PGAP1: variants seen among roughly 807,000 people sequenced by gnomAD.
PGAP1 encodes the protein post-GPI attachment to proteins inositol deacylase 1.
Under a neutral mutation model 127.0 loss-of-function variants are expected in PGAP1, and 76 were observed. The observed-to-expected ratio is 0.60, with a 90% CI of 0.50 to 0.72. The LOEUF is 0.72. Ranked by LOEUF, PGAP1 falls within the 30% of genes least tolerant of loss-of-function variation. PGAP1 has a pLI of 0.00. For synonymous variants in PGAP1, 362 were observed against 366.5 expected (o/e 0.99, Z 0.14); for missense variants, 982 against 1,071.3 (o/e 0.92, Z 1.16).
rs147803277 is a variant in PGAP1, at chr2:196,838,782, C to G, written c.*2452G>C. On this transcript the variant is annotated 3_prime_UTR_variant, in exon 27 of 27. Coordinates refer to ENST00000354764, the MANE Select transcript of PGAP1 (RefSeq NM_024989.4). Reference sequence around the variant, plus strand: ...ATGTACGGCTGGGCGTGGTGGCTCACGCCTGTAATCCCAGCACTTTGGGGA... The same window carrying G: ...ATGTACGGCTGGGCGTGGTGGCTCAGGCCTGTAATCCCAGCACTTTGGGGA... The G allele has an allele frequency of 2.6e-5, 4 of 152,210 alleles. No homozygotes were observed. Among genetic ancestry groups the G allele is most frequent in the Non-Finnish European group, 5.9e-5 (4 of 68,080 alleles). 9.4% of individuals were successfully genotyped at this position (152,210 alleles called of 1,614,324 possible).
intron 26 of PGAP1, 33 bp from the exon 27 acceptor site, chr2:196,841,405 T>C: frequency 6.4e-7 from 1 of 1,570,318 alleles, no homozygotes; most frequent in Non-Finnish European, 8.7e-7. Flanking sequence ...ACATTACTTA[T>C]GTGAACTACA....
At chr2:196,846,306 C>A (rs997880224) in intron 22 of PGAP1, among the ~76,000 whole-genome samples, 2 of 152,074 alleles carry the variant, frequency 1.3e-5, no homozygotes, top group Non-Finnish European at 2.9e-5. Context: ...ACACTCTGTG[C>A]CATACATCTC....
At chr2:196,878,184 TG>T (rs757012677) in intron 13 of PGAP1, among the ~76,000 whole-genome samples, 8 of 152,170 alleles carry the variant, frequency 5.3e-5, no homozygotes, top group Non-Finnish European at 1.0e-4. Context: ...CCAAAATGCA[TG>T]GAACTAGAAG....
chr2:196,926,424 G>C, intron 1 of PGAP1, 46 bp downstream of exon 1: 1 of 1,611,322 alleles, frequency 6.2e-7, no homozygotes, highest in Non-Finnish European at 8.5e-7. Context: ...AGGCACCAGG[G>C]GCCAGAGTCT....
intron 4 of PGAP1, among the ~76,000 whole-genome samples, chr2:196,903,538 G>A (rs1702570174): frequency 6.8e-6 from 1 of 146,200 alleles, no homozygotes; most frequent in Non-Finnish European, 1.5e-5. Flanking sequence ...TCCAGCCTGG[G>A]CAACAGAGCG....
chr2:196,889,239 C>G (rs1355202820), intron 10 of PGAP1, among the ~76,000 whole-genome samples: 2 of 152,080 alleles, frequency 1.3e-5, no homozygotes, highest in African/African-American at 4.8e-5. Flanking sequence ...ACTCTCAAGG[C>G]CAGAATCTGC....
intron 10 of PGAP1, 72 bp downstream of exon 10, chr2:196,890,756 C>A: frequency 1.2e-6 from 1 of 811,752 alleles, no homozygotes; most frequent in South Asian, 1.6e-5. Flanking sequence ...ATAGCTAGGT[C>A]TACCAGTAGA....
chr2:196,905,344 A>G (rs1186373999), intron 4 of PGAP1, among the ~76,000 whole-genome samples: 1 of 152,246 alleles, frequency 6.6e-6, no homozygotes, highest in Non-Finnish European at 1.5e-5. Flanking sequence ...ATTAGACTAC[A>G]ACAAATTTAA....
intron 12 of PGAP1, among the ~76,000 whole-genome samples, chr2:196,882,058 T>A (rs577616823): frequency 6.6e-6 from 1 of 152,328 alleles, no homozygotes; most frequent in South Asian, 2.1e-4. Context: ...CTTTCAACCT[T>A]CTGCATAAGG....
intron 23 of PGAP1, 128 bp from the exon 24 acceptor site, chr2:196,844,702 A>G: frequency 3.2e-6 from 2 of 616,176 alleles, no homozygotes; most frequent in Non-Finnish European, 5.6e-6. Flanking sequence ...AGTCATTTAA[A>G]CATTTAAAAA....
Position 196,867,407 on chromosome 2 carries a change from T to C in PGAP1, c.1768-2327A>G, listed in dbSNP as rs185075379. 6.3e-3 allele frequency among the ~76,000 whole-genome samples: 959 copies of C among 152,168 alleles called. 20 individuals carry two copies. The highest frequency in any genetic ancestry group is 2.6e-3 in the Non-Finnish European group (176 of 68,008). On this transcript the variant is annotated intron_variant, in intron 19 of 26. Coordinates refer to ENST00000354764, the MANE Select transcript of PGAP1 (RefSeq NM_024989.4). ...ACCAAACACTGCATGTTCTCACTAATAAGTGGGAGTTGAACAATGAGAACA... is the reference window on the plus strand; with the variant it reads ...ACCAAACACTGCATGTTCTCACTAACAAGTGGGAGTTGAACAATGAGAACA...
chr2:196,897,814 T>C (rs1269143282), intron 6 of PGAP1, among the ~76,000 whole-genome samples: 2 of 152,334 alleles, frequency 1.3e-5, no homozygotes, highest in South Asian at 4.1e-4. Context: ...TTATTTTACA[T>C]GTTGTCAAGA....
At chr2:196,893,779 C>A (rs1374240637) in intron 7 of PGAP1, among the ~76,000 whole-genome samples, 1 of 152,100 alleles carries the variant, frequency 6.6e-6, no homozygotes, top group African/African-American at 2.4e-5. Context: ...TATCCTTCTA[C>A]CTGTTTTTTA....
At chr2:196,916,338 G>A in intron 3 of PGAP1, 80 bp downstream of exon 3, 1 of 1,258,496 alleles carries the variant, frequency 7.9e-7, no homozygotes, top group Non-Finnish European at 1.0e-6. Context: ...ACAAATACAT[G>A]ATTTAAAGTA....
intron 20 of PGAP1, among the ~76,000 whole-genome samples, chr2:196,858,272 G>T (rs904722459): frequency 6.6e-6 from 1 of 151,872 alleles, no homozygotes; most frequent in Non-Finnish European, 1.5e-5. Context: ...CATGGTGGTG[G>T]GTACCTGTAG....
intron 7 of PGAP1, 49 bp downstream of exon 7, chr2:196,897,077 ATATAG>A (rs1454351148): frequency 2.0e-6 from 2 of 1,017,488 alleles, no homozygotes; most frequent in Non-Finnish European, 1.5e-6. Flanking sequence ...GCTGTAAATG[ATATAG>A]TAAAGTAAAA....
chr2:196,895,820 T>C (rs935964882), intron 7 of PGAP1, among the ~76,000 whole-genome samples: 6 of 152,184 alleles, frequency 3.9e-5, no homozygotes, highest in African/African-American at 1.4e-4. Context: ...AGGTCACCCA[T>C]ACTAGTTGCC....
chr2:196,837,248 T>C lies in PGAP1; in HGVS notation c.*3986A>G, dbSNP rs1413035200. On this transcript the variant is annotated 3_prime_UTR_variant, in exon 27 of 27. Transcript: ENST00000354764. ...AACTGAAAACTGAATTTTACCACCTTTTATTTCCCTTGGCCACAAAGGGTG... is the reference window on the plus strand; with the variant it reads ...AACTGAAAACTGAATTTTACCACCTCTTATTTCCCTTGGCCACAAAGGGTG... 1.3e-5 allele frequency: 2 copies of C among 152,206 alleles called. No homozygotes were observed. Among genetic ancestry groups the C allele is most frequent in the Non-Finnish European group, 2.9e-5 (2 of 68,026 alleles). 9.4% of individuals were successfully genotyped at this position (152,206 alleles called of 1,614,324 possible). A position where few individuals can be genotyped will look rare whatever the true frequency, so the allele number is the denominator to read the frequency against.
chr2:196,842,325 T>C (rs1337502029), intron 26 of PGAP1, among the ~76,000 whole-genome samples: 8 of 152,082 alleles, frequency 5.3e-5, no homozygotes, highest in Non-Finnish European at 1.2e-4. Context: ...GAATGAAAAA[T>C]CAGGTTTTAT....
Sources: gnomAD v4.1 joint callset for allele counts (sites outside exome capture counted in the v4.1 genomes callset) on GRCh38, gnomAD v4.1.1 for gene constraint, MANE v1.5 for transcripts, NCBI Gene and HGNC (gene_info 2026-07-23, HGNC 2026-07-21) for gene names.